The following SHISA5 variants were observed in gnomAD, a reference collection of about 807,000 sequenced individuals.
The protein encoded by SHISA5 is protein shisa-5.
Under a neutral mutation model 27.5 loss-of-function variants are expected in SHISA5, and 21 were observed. The observed-to-expected ratio is 0.76, with a 90% confidence interval of 0.54 to 1.10. SHISA5 has a LOEUF of 1.10. Ranked by LOEUF, SHISA5 falls within the 50% of genes least tolerant of loss-of-function variation. The pLI is 0.00. For synonymous variants in SHISA5, 137 were observed against 142.2 expected (o/e 0.96, Z 0.26); for missense variants, 314 against 336.3 (o/e 0.93, Z 0.52).
intron 2 of SHISA5, among the ~76,000 whole-genome samples, chr3:48,498,616 G>A (rs1274929160): frequency 6.6e-6 from 1 of 150,718 alleles, no homozygotes; most frequent in Non-Finnish European, 1.5e-5. Flanking sequence ...GAACCTGGCA[G>A]GTGGAGGTTG....
chr3:48,472,902 C>T (rs2040688463), intron 3 of SHISA5: 2 of 1,129,820 alleles, frequency 1.8e-6, no homozygotes, highest in Non-Finnish European at 2.6e-6. Context: ...AACGCACACA[C>T]ATTCACACGC....
At position 48,470,900 on chromosome 3, in the gene SHISA5, C is replaced by G. The variant is rs1050269376; in HGVS notation, c.315-1057G>C. Among the ~76,000 whole-genome samples, 1 of 151,552 alleles carries G rather than the reference C, an allele frequency of 6.6e-6. No homozygotes were observed. Among genetic ancestry groups the G allele is most frequent in the Non-Finnish European group, 1.5e-5 (1 of 67,936 alleles). On this transcript the variant is annotated intron_variant, in intron 3 of 5. Coordinates refer to ENST00000296444, the MANE Select transcript of SHISA5 (RefSeq NM_016479.6). This position sits in a 1 kb window ranked among gnomAD's most constrained non-coding sequence, Gnocchi z 4.3. Reference sequence around the variant, plus strand: ...CAAGATCACGCCATTGCACTCCAGCCTGGGGACAGGAGCAAAACTCTGTCT... The same window carrying G: ...CAAGATCACGCCATTGCACTCCAGCGTGGGGACAGGAGCAAAACTCTGTCT...
intron 2 of SHISA5, among the ~76,000 whole-genome samples, chr3:48,489,909 C>A (rs185701086): frequency 6.6e-6 from 1 of 152,112 alleles, no homozygotes; most frequent in African/African-American, 2.4e-5. Flanking sequence ...GGATTAAAGG[C>A]GTCAGCCATC....
At chr3:48,504,368 C>G (rs1454723505), upstream of SHISA5, 1 of 319,152 alleles carries the variant, frequency 3.1e-6, no homozygotes, top group South Asian at 1.6e-4. The surrounding 1 kb of genome is among the most constrained non-coding windows in gnomAD (Gnocchi z 4.0). Flanking sequence ...AACTTGGTAC[C>G]GGTTCCCAGA....
intron 2 of SHISA5, among the ~76,000 whole-genome samples, chr3:48,494,790 T>A (rs1440112192): frequency 1.4e-5 from 2 of 147,342 alleles, no homozygotes; most frequent in Non-Finnish European, 2.9e-5. Flanking sequence ...AGTGATGGGA[T>A]GGCTGGATCA....
chr3:48,502,798 C>G (rs1054727908), intron 1 of SHISA5, among the ~76,000 whole-genome samples: 1 of 152,208 alleles, frequency 6.6e-6, no homozygotes, highest in Non-Finnish European at 1.5e-5. Context: ...ATAACTACAT[C>G]GGCCTGGAAA....
In SHISA5 at chr3:48,470,784, G is replaced by A. The variant is rs531636283; in HGVS notation, c.315-941C>T. Among the ~76,000 whole-genome samples, 99 of 152,172 alleles carry A rather than the reference G, an allele frequency of 6.5e-4. No individual in the cohort carries two copies. Among genetic ancestry groups the A allele is most frequent in the Admixed American group, 9.8e-4 (15 of 15,282 alleles). ...TCTACTAAAAATACAAAAATTAGTC[G>A]GGCACGGTGGCGGGTGCCTGTAATC... On this transcript the variant is annotated intron_variant, in intron 3 of 5. Coordinates refer to ENST00000296444, the MANE Select transcript of SHISA5 (RefSeq NM_016479.6). The surrounding 1 kb of genome is among the most constrained non-coding windows in gnomAD (Gnocchi z 4.3).
chr3:48,468,524 C>G lies in SHISA5; in HGVS notation c.*583G>C, dbSNP rs2040443272. 8.4e-7 allele frequency: 1 copy of G among 1,186,538 alleles called. No homozygotes were observed. The highest frequency in any genetic ancestry group is 1.6e-5 in the South Asian group (1 of 62,400). The allele number at this position is 1,186,538 out of a possible 1,614,324, so 73.5% of individuals were successfully genotyped here. ...TGATCCCCAACAGGCATGACAGGCT[C>G]CAGGGAGCAATGGGACATCTGCCCA... On this transcript the variant is annotated 3_prime_UTR_variant, in exon 6 of 6. Coordinates refer to ENST00000296444, the MANE Select transcript of SHISA5 (RefSeq NM_016479.6).
At chr3:48,490,703 A>G (rs1046884062) in intron 2 of SHISA5, among the ~76,000 whole-genome samples, 5 of 152,056 alleles carry the variant, frequency 3.3e-5, no homozygotes, top group African/African-American at 1.2e-4. Context: ...AGAGACAAGG[A>G]AAAAAAATCA....
rs1560116357 is a variant in SHISA5, at chr3:48,469,042, G to GTAAGGAACCGCA, written c.*64_*65insTGCGGTTCCTTA. ...GCACACATGGGGCGTAAGGAACCGC[G>GTAAGGAACCGCA]CCTGCACACCACTCACGCACACACA... is the stretch of plus-strand genomic sequence containing the variant. On this transcript the variant is annotated 3_prime_UTR_variant, in exon 6 of 6. Transcript: ENST00000296444. The surrounding 1 kb of genome is among the most constrained non-coding windows in gnomAD (Gnocchi z 4.6). The GTAAGGAACCGCA allele has an allele frequency of 9.9e-6, 16 of 1,608,350 alleles. No homozygotes were observed. The African/African-American group carries it at 2.0e-4, about 20-fold the overall frequency.
chr3:48,481,735 C>T (rs190004626), intron 2 of SHISA5, among the ~76,000 whole-genome samples: 1 of 150,656 alleles, frequency 6.6e-6, no homozygotes, highest in Admixed American at 6.7e-5. Context: ...TGCTGTGAGC[C>T]AAGATCATGC....
chr3:48,484,110 A>G (rs1267565236), intron 2 of SHISA5, among the ~76,000 whole-genome samples: 1 of 152,190 alleles, frequency 6.6e-6, no homozygotes, highest in Non-Finnish European at 1.5e-5. Flanking sequence ...ATATAGCACA[A>G]TGGTGTCAGA....
intron 2 of SHISA5, among the ~76,000 whole-genome samples, chr3:48,499,082 CAAAAAAA>C (rs777373636): frequency 2.3e-5 from 1 of 43,498 alleles, no homozygotes; most frequent in Non-Finnish European, 4.9e-5. Flanking sequence ...AACTCCATCT[CAAAAAAA>C]AAAAAAAAAA....
intron 2 of SHISA5, among the ~76,000 whole-genome samples, chr3:48,488,951 T>C (rs1401713929): frequency 6.6e-6 from 1 of 151,888 alleles, no homozygotes; most frequent in Non-Finnish European, 1.5e-5. Context: ...AAGAGAGTAG[T>C]CCAAAAACTG....
Position 48,468,844 on chromosome 3 carries a change from T to C in SHISA5, c.*263A>G. On this transcript the variant is annotated 3_prime_UTR_variant, in exon 6 of 6. Coordinates refer to ENST00000296444, the MANE Select transcript of SHISA5 (RefSeq NM_016479.6). Reference sequence around the variant, plus strand: ...CCCCCACCACCCCATTCTTTGAGTTTGGCTTGAGATTTTAGGAAGCATAAT... The same window carrying C: ...CCCCCACCACCCCATTCTTTGAGTTCGGCTTGAGATTTTAGGAAGCATAAT... 1 of 1,505,970 alleles carries C rather than the reference T, an allele frequency of 6.6e-7. No homozygotes were observed. The highest frequency in any genetic ancestry group is 8.9e-7 in the Non-Finnish European group (1 of 1,127,744). 93.3% of individuals were successfully genotyped at this position (1,505,970 alleles called of 1,614,324 possible). A position where few individuals can be genotyped will look rare whatever the true frequency, so the allele number is the denominator to read the frequency against.
chr3:48,468,836 T>A lies in SHISA5; in HGVS notation c.*271A>T, dbSNP rs2040462510. 37 of 1,491,598 alleles carry A rather than the reference T, an allele frequency of 2.5e-5. No individual in the cohort carries two copies. Among genetic ancestry groups the A allele is most frequent in the Non-Finnish European group, 3.3e-5 (37 of 1,118,512 alleles). The allele number at this position is 1,491,598 out of a possible 1,614,324, so 92.4% of individuals were successfully genotyped here. A position where few individuals can be genotyped will look rare whatever the true frequency, so the allele number is the denominator to read the frequency against. The stretch of plus-strand genomic sequence containing the variant: ...CAGGGTGCCCCCCACCACCCCATTC[T>A]TTGAGTTTGGCTTGAGATTTTAGGA... On this transcript the variant is annotated 3_prime_UTR_variant, in exon 6 of 6. Coordinates refer to ENST00000296444, the MANE Select transcript of SHISA5 (RefSeq NM_016479.6).
intron 1 of SHISA5, 113 bp downstream of exon 1, chr3:48,503,906 G>T: frequency 7.5e-7 from 1 of 1,340,342 alleles, no homozygotes; most frequent in Non-Finnish European, 9.6e-7. Context: ...GGGCAATCAG[G>T]GGTCAGTGGG....
In SHISA5 at chr3:48,504,088, C is replaced by T; in HGVS notation, c.7G>A (p.Ala3Thr). MT[A>T]PVPAPRILLP... ...AGGATCCGCGGCGCGGGGACCGGCG[C>T]AGTCATGGCTGGGCGGGCGGACGGG... Residue 3 changes from alanine (A) to threonine (T), a missense_variant, in exon 1 of 6, where the codon GCG (alanine) becomes ACG (threonine). Coordinates refer to ENST00000296444, the MANE Select transcript of SHISA5 (RefSeq NM_016479.6). The surrounding 1 kb of genome is among the most constrained non-coding windows in gnomAD (Gnocchi z 4.0). 1 of 1,362,584 alleles carries T rather than the reference C, an allele frequency of 7.3e-7. No homozygotes were observed. The highest frequency in any genetic ancestry group is 9.5e-7 in the Non-Finnish European group (1 of 1,047,178). The allele number at this position is 1,362,584 out of a possible 1,614,324, so 84.4% of individuals were successfully genotyped here. A position where few individuals can be genotyped will look rare whatever the true frequency, so the allele number is the denominator to read the frequency against.
intron 2 of SHISA5, among the ~76,000 whole-genome samples, chr3:48,480,807 G>A (rs1478957504): frequency 6.6e-6 from 1 of 152,022 alleles, no homozygotes; most frequent in African/African-American, 2.4e-5. Flanking sequence ...AAAAATAAAT[G>A]ATATGGGCCA....
Sources: allele counts gnomAD v4.1 joint callset (sites outside exome capture counted in the v4.1 genomes callset), GRCh38; gene constraint gnomAD v4.1.1; non-coding constraint Gnocchi (gnomAD v3.1); transcripts MANE v1.5; gene names NCBI Gene and HGNC (gene_info 2026-07-23, HGNC 2026-07-21).